COLEC10: variants seen among roughly 807,000 people sequenced by gnomAD.
COLEC10 encodes the protein collectin subfamily member 10.
COLEC10 carries 22 observed loss-of-function variants against 28.4 expected under a neutral mutation model. That is an observed-to-expected ratio of 0.78 (90% confidence interval 0.55 to 1.11). The LOEUF (loss-of-function observed/expected upper bound fraction) is 1.11. COLEC10 is among the 50% of genes least tolerant of loss of function. The probability of loss-of-function intolerance (pLI) is 0.00; values close to 1 mark genes in which losing one functional copy is unlikely to be tolerated. For synonymous variants in COLEC10, 125 were observed against 116.1 expected (o/e 1.08, Z -0.49); for missense variants, 361 against 344.1 (o/e 1.05, Z -0.39).
In COLEC10 at chr8:119,097,526, T is replaced by G. The variant is rs564420634; in HGVS notation, c.293-4822T>G. Among the ~76,000 whole-genome samples, 23 of 152,232 alleles carry G rather than the reference T, an allele frequency of 1.5e-4. No homozygotes were observed. In the South Asian group the frequency reaches 4.6e-3, roughly 30 times the overall value. ...TGTGCAATTGACCTACTTTTAAAAT[T>G]TAGTGATTTGTTTTTATTTCTTATG... On this transcript the variant is annotated intron_variant, in intron 3 of 5. Coordinates refer to ENST00000332843, the MANE Select transcript of COLEC10 (RefSeq NM_006438.5).
rs1029160744 is a variant in COLEC10 at position 119,060,325 on chromosome 8, T to C, written n.236-29355T>C. Among the ~76,000 whole-genome samples, 4 of 152,116 alleles carry C rather than the reference T, an allele frequency of 2.6e-5. No individual in the cohort carries two copies. The South Asian group carries it at 6.2e-4, about 24-fold the overall frequency. On this transcript the variant is annotated intron_variant and non_coding_transcript_variant, in intron 2 of 6. Coordinates refer to the COLEC10 transcript ENST00000521788. ...TCTATCATTGGAAACAACAGAAAGATGTAAGTTGATAATACACCAGAAATT... is the reference window on the plus strand; with the variant it reads ...TCTATCATTGGAAACAACAGAAAGACGTAAGTTGATAATACACCAGAAATT...
At chr8:119,102,225 TCCC>T in intron 3 of COLEC10, 120 bp from the exon 4 acceptor site, 4 of 171,436 alleles carry the variant, frequency 2.3e-5, no homozygotes, top group Admixed American at 1.7e-4. Context: ...CCTCCCTCCC[TCCC>T]TCCCTCCCTC....
chr8:119,106,229 C>G lies in COLEC10; in HGVS notation c.*38C>G. ...TACGTATTTGCTATTTTCCTGTGACCGTCATTACAGTTATTGTTATCCATC... is the reference window on the plus strand; with the variant it reads ...TACGTATTTGCTATTTTCCTGTGACGGTCATTACAGTTATTGTTATCCATC... On this transcript the variant is annotated 3_prime_UTR_variant, in exon 6 of 6. Coordinates refer to ENST00000332843, the MANE Select transcript of COLEC10 (RefSeq NM_006438.5). 6.4e-7 allele frequency: 1 copy of G among 1,557,814 alleles called. No homozygotes were observed. The highest frequency in any genetic ancestry group is 8.7e-7 in the Non-Finnish European group (1 of 1,146,486).
rs1478866975 is a variant in COLEC10 at position 119,073,961 on chromosome 8, CATATACACAT to C, written c.148+6538_148+6547del. Reference sequence around the variant, plus strand: ...ACGTACATATATACACATATATACACATATACACATATATATACACGTATATATATACACA... The same window carrying C: ...ACGTACATATATACACATATATACACATATATACACGTATATATATACACA... On this transcript the variant is annotated intron_variant, in intron 1 of 5. Transcript: ENST00000332843. Among the ~76,000 whole-genome samples the C allele has an allele frequency of 2.7e-3, 312 of 114,908 alleles. 1 individual carries two copies. The highest frequency in any genetic ancestry group is 0.012 in the African/African-American group (284 of 23,224). The allele number at this position is 114,908 out of a possible 152,430, so 75.4% of individuals were successfully genotyped here.
intron 2 of COLEC10, among the ~76,000 whole-genome samples, chr8:119,037,505 G>T (rs1814410425): frequency 6.6e-6 from 1 of 152,070 alleles, no homozygotes; most frequent in Non-Finnish European, 1.5e-5. Context: ...TCCTTCTGGA[G>T]AATGACTGGA....
the COLEC10 span, among the ~76,000 whole-genome samples, chr8:118,967,105 A>G: frequency 1.9e-3 from 287 of 152,282 alleles, 2 homozygotes; most frequent in African/African-American, 6.5e-3. Flanking sequence ...GTTTTACCCC[A>G]GGAATCCATA....
At chr8:118,984,620 G>A in the COLEC10 span, among the ~76,000 whole-genome samples, 1 of 152,070 alleles carries the variant, frequency 6.6e-6, no homozygotes, top group Non-Finnish European at 1.5e-5. Context: ...AGTCACAGAG[G>A]GAAAGCACCG....
In COLEC10 at chr8:119,107,885, C is replaced by G. The variant is rs1815982254; in HGVS notation, c.*1694C>G. 6.6e-6 allele frequency among the ~76,000 whole-genome samples: 1 copy of G among 152,108 alleles called. No individual in the cohort carries two copies. The highest frequency in any genetic ancestry group is 1.5e-5 in the Non-Finnish European group (1 of 67,964). ...ATGTTGGCAACTAATTAATTTTTAA[C>G]CCAAATTTTAAGTGGGTTAAAAATT... is the stretch of plus-strand genomic sequence containing the variant. On this transcript the variant is annotated 3_prime_UTR_variant, in exon 6 of 6. Coordinates refer to ENST00000332843, the MANE Select transcript of COLEC10 (RefSeq NM_006438.5).
intron 1 of COLEC10, among the ~76,000 whole-genome samples, chr8:118,999,027 A>G (rs1813641887): frequency 6.6e-6 from 1 of 152,090 alleles, no homozygotes. Flanking sequence ...TTTCATAAGA[A>G]CCCCAGGCAC....
At chr8:118,993,872 G>A (rs1813546255), upstream of COLEC10, among the ~76,000 whole-genome samples, 1 of 152,144 alleles carries the variant, frequency 6.6e-6, no homozygotes, top group Non-Finnish European at 1.5e-5. Flanking sequence ...GGGGTTTATA[G>A]GAGAAGCACT....
chr8:119,075,892 C>CTTTTTTTTTT (rs35870985), intron 1 of COLEC10, among the ~76,000 whole-genome samples: 3 of 82,404 alleles, frequency 3.6e-5, no homozygotes, highest in Admixed American at 1.9e-4. Flanking sequence ...TCAGCCATAT[C>CTTTTTTTTTT]TTTTTTTTTT....
At chr8:118,995,996 C>T (rs567354237) in intron 1 of COLEC10, among the ~76,000 whole-genome samples, 36 of 152,090 alleles carry the variant, frequency 2.4e-4, no homozygotes, top group Non-Finnish European at 4.7e-4. Flanking sequence ...AGAACTTATT[C>T]ATCTTGCATA....
At chr8:119,099,771 G>A (rs1336026963) in intron 3 of COLEC10, among the ~76,000 whole-genome samples, 1 of 152,140 alleles carries the variant, frequency 6.6e-6, no homozygotes, top group African/African-American at 2.4e-5. Flanking sequence ...TCTCCACTCT[G>A]ATCCACACCA....
At chr8:118,989,578 C>CA in the COLEC10 span, among the ~76,000 whole-genome samples, 40 of 139,178 alleles carry the variant, frequency 2.9e-4, no homozygotes, top group African/African-American at 1.2e-3. Flanking sequence ...CACACACACA[C>CA]CCCTACCTAC....
chr8:119,030,758 TAATAA>T (rs1174852647), intron 2 of COLEC10, among the ~76,000 whole-genome samples: 1 of 152,224 alleles, frequency 6.6e-6, no homozygotes, highest in Non-Finnish European at 1.5e-5. Flanking sequence ...TTCCATCCAT[TAATAA>T]CTTTCCATAA....
the COLEC10 span, among the ~76,000 whole-genome samples, chr8:118,970,765 G>A: frequency 4.6e-5 from 7 of 151,652 alleles, no homozygotes; most frequent in Non-Finnish European, 7.4e-5. Context: ...TACCAATAAT[G>A]TAATGAGTAA....
At chr8:119,017,400 C>T (rs1814013780) in intron 2 of COLEC10, among the ~76,000 whole-genome samples, 1 of 152,106 alleles carries the variant, frequency 6.6e-6, no homozygotes, top group Admixed American at 6.6e-5. Flanking sequence ...ATGACAACTC[C>T]TTGCATTTTT....
intron 2 of COLEC10, among the ~76,000 whole-genome samples, chr8:119,025,796 G>A (rs1367863647): frequency 6.6e-6 from 1 of 152,168 alleles, no homozygotes; most frequent in Non-Finnish European, 1.5e-5. Context: ...AATAGGCAAT[G>A]TTAGAAAACA....
the COLEC10 span, among the ~76,000 whole-genome samples, chr8:118,961,096 T>C: frequency 2.0e-5 from 3 of 152,220 alleles, no homozygotes; most frequent in Non-Finnish European, 2.9e-5. Flanking sequence ...AAACATTATT[T>C]GATCCTTTAA....
Sources: gnomAD v4.1 joint callset for allele counts (sites outside exome capture counted in the v4.1 genomes callset) on GRCh38, gnomAD v4.1.1 for gene constraint, MANE v1.5 for transcripts, NCBI Gene and HGNC (gene_info 2026-07-23, HGNC 2026-07-21) for gene names.